Variants in CLVS1 observed in about 807,000 individuals in gnomAD.
CLVS1 encodes the protein clavesin 1, also known as clavesin-1.
Under a neutral mutation model 33.1 loss-of-function variants are expected in CLVS1, and 10 were observed. The observed-to-expected ratio is 0.30, with a 90% CI of 0.19 to 0.51. The LOEUF (loss-of-function observed/expected upper bound fraction) is 0.51, where lower values mean the gene tolerates loss of function less well. Ranked by LOEUF, CLVS1 falls within the 20% of genes least tolerant of loss-of-function variation. CLVS1 has a pLI of 0.97. For missense variants in CLVS1, 343 were observed against 433.4 expected, an observed-to-expected ratio of 0.79 and a Z score of 1.85; for synonymous variants, 163 against 166.1, an observed-to-expected ratio of 0.98 and a Z score of 0.14.
At chr8:61,077,718 C>T (rs911892122) in intron 1 of CLVS1, among the ~76,000 whole-genome samples, 2 of 120,852 alleles carry the variant, frequency 1.7e-5, no homozygotes, top group Admixed American at 1.7e-4. Flanking sequence ...TGCCAGCAGA[C>T]CAGGATTTTT....
intron 2 of CLVS1, among the ~76,000 whole-genome samples, chr8:61,165,285 C>T (rs555270623): frequency 2.0e-5 from 3 of 152,282 alleles, no homozygotes; most frequent in Non-Finnish European, 4.4e-5. Flanking sequence ...AAGCTCAGCT[C>T]GAGCCCTAAC....
At chr8:61,456,243 C>T (rs1014155485) in intron 4 of CLVS1, among the ~76,000 whole-genome samples, 18 of 152,172 alleles carry the variant, frequency 1.2e-4, no homozygotes, top group Non-Finnish European at 2.2e-4. Context: ...AAGGGAAGGT[C>T]ACCTTTAATG....
At chr8:60,972,536 C>T in the CLVS1 span, among the ~76,000 whole-genome samples, 2 of 152,046 alleles carry the variant, frequency 1.3e-5, no homozygotes, top group South Asian at 2.1e-4. Flanking sequence ...TTCTGGAGGT[C>T]GCGAGATTAG....
In CLVS1 at chr8:61,459,197, G is replaced by A. The variant is rs117294421; in HGVS notation, c.977+655G>A. On this transcript the variant is annotated intron_variant, in intron 5 of 5. Transcript: ENST00000325897. ...AAAAGGCGTGCAAGGGTGGGAGATGGGACTGGACATGAAATAAAGCTCCAA... is the reference window on the plus strand; with the variant it reads ...AAAAGGCGTGCAAGGGTGGGAGATGAGACTGGACATGAAATAAAGCTCCAA... Among the ~76,000 whole-genome samples, 1,379 of 152,074 alleles carry A rather than the reference G, an allele frequency of 9.1e-3. 10 individuals are homozygous for A. The highest frequency in any genetic ancestry group is 0.012 in the Non-Finnish European group (838 of 68,000).
At chr8:61,481,514 C>T (rs891006132) in intron 5 of CLVS1, among the ~76,000 whole-genome samples, 1 of 152,180 alleles carries the variant, frequency 6.6e-6, no homozygotes, top group Admixed American at 6.5e-5. Context: ...CTACGCTTTT[C>T]CAACGGCCTT....
intron 2 of CLVS1, among the ~76,000 whole-genome samples, chr8:61,178,793 G>A (rs1807170576): frequency 6.6e-6 from 1 of 152,070 alleles, no homozygotes; most frequent in African/African-American, 2.4e-5. Context: ...ACAAGCAAAT[G>A]CTGAGGGATT....
At chr8:61,108,186 G>T (rs1014628888) in intron 1 of CLVS1, among the ~76,000 whole-genome samples, 1 of 142,942 alleles carries the variant, frequency 7.0e-6, no homozygotes, top group African/African-American at 2.7e-5. Context: ...CCACTGCACT[G>T]CAGCCTGGGT....
At chr8:60,965,353 CT>C in the CLVS1 span, 1 of 152,332 alleles carries the variant, frequency 6.6e-6, no homozygotes, top group African/African-American at 2.4e-5. Flanking sequence ...AGCTCTCTGC[CT>C]TTCTCAGGTA....
intron 1 of CLVS1, among the ~76,000 whole-genome samples, chr8:61,298,362 C>T (rs1040684072): frequency 2.0e-5 from 3 of 152,062 alleles, no homozygotes; most frequent in Non-Finnish European, 2.9e-5. Flanking sequence ...TATTTTCTTA[C>T]AAGTTATTTT....
chr8:61,080,277 C>T (rs935963411), intron 1 of CLVS1, among the ~76,000 whole-genome samples: 1 of 152,168 alleles, frequency 6.6e-6, no homozygotes, highest in Non-Finnish European at 1.5e-5. Flanking sequence ...AGTAGCTCCC[C>T]TGGTTATGTA....
chr8:61,471,440 G>A (rs1817734274), intron 5 of CLVS1, among the ~76,000 whole-genome samples: 1 of 152,176 alleles, frequency 6.6e-6, no homozygotes, highest in Non-Finnish European at 1.5e-5. Context: ...TAGAGAAGCA[G>A]GTAATGATTA....
At chr8:61,438,626 C>T (rs190027276) in intron 3 of CLVS1, among the ~76,000 whole-genome samples, 4 of 152,288 alleles carry the variant, frequency 2.6e-5, no homozygotes, top group African/African-American at 9.6e-5. Context: ...AATGGTTGAA[C>T]TAATTTACAT....
At chr8:61,484,606 A>C (rs6998184) in intron 5 of CLVS1, among the ~76,000 whole-genome samples, 3,222 of 152,346 alleles carry the variant, frequency 0.021, 121 homozygotes, top group African/African-American at 0.073. Context: ...TAAAGTTCAT[A>C]TGGAACCAAA....
At chr8:61,013,158 C>T in the CLVS1 span, among the ~76,000 whole-genome samples, 24 of 152,296 alleles carry the variant, frequency 1.6e-4, 1 homozygote, top group South Asian at 4.4e-3. Context: ...TTTCCTGCCT[C>T]GGTCCTTCCT....
chr8:61,335,444 G>A (rs903024972), intron 2 of CLVS1, among the ~76,000 whole-genome samples: 1 of 152,230 alleles, frequency 6.6e-6, no homozygotes, highest in African/African-American at 2.4e-5. Context: ...TTCACTGTCT[G>A]TCATAATTTT....
At chr8:61,441,947 G>A (rs1315491959) in intron 3 of CLVS1, among the ~76,000 whole-genome samples, 1 of 152,096 alleles carries the variant, frequency 6.6e-6, no homozygotes, top group Non-Finnish European at 1.5e-5. Flanking sequence ...AATTTATCAT[G>A]GCACTTTTTG....
At chr8:61,244,457 G>T (rs1295036604) in intron 2 of CLVS1, among the ~76,000 whole-genome samples, 2 of 152,160 alleles carry the variant, frequency 1.3e-5, no homozygotes, top group Non-Finnish European at 2.9e-5. Flanking sequence ...TTCTGAAGTT[G>T]TTGGATGTAG....
intron 2 of CLVS1, among the ~76,000 whole-genome samples, chr8:61,367,265 C>A (rs1350036076): frequency 2.6e-5 from 4 of 152,184 alleles, no homozygotes; most frequent in Non-Finnish European, 5.9e-5. Context: ...AGTTCTCCCA[C>A]CAAGCAGAAT....
Position 61,425,041 on chromosome 8 carries a change from A to T in CLVS1, c.631-29100A>T, listed in dbSNP as rs184772062. Among the ~76,000 whole-genome samples the T allele has an allele frequency of 2.6e-5, 4 of 152,270 alleles. No individual in the cohort carries two copies. The East Asian group carries it at 7.7e-4, about 29-fold the overall frequency. On this transcript the variant is annotated intron_variant, in intron 3 of 5. Coordinates refer to ENST00000325897, the MANE Select transcript of CLVS1 (RefSeq NM_173519.3). ...CAGTATGTAATGTAAATATTCCAAAATTTGAAAAGATTTGAAATCTGCAAC... is the reference window on the plus strand; with the variant it reads ...CAGTATGTAATGTAAATATTCCAAATTTTGAAAAGATTTGAAATCTGCAAC...
Sources: allele counts gnomAD v4.1 joint callset (sites outside exome capture counted in the v4.1 genomes callset), GRCh38; gene constraint gnomAD v4.1.1; transcripts MANE v1.5; gene names NCBI Gene and HGNC (gene_info 2026-07-23, HGNC 2026-07-21).